The following ANK2 variants were observed in gnomAD, a reference collection of about 807,000 sequenced individuals.
ANK2 encodes the protein ankyrin 2.
A neutral mutation model predicts 360.5 loss-of-function variants in ANK2; 83 were observed. The observed-to-expected ratio is 0.23, with a 90% CI of 0.19 to 0.28. The LOEUF (loss-of-function observed/expected upper bound fraction) is 0.28, where lower values mean the gene tolerates loss of function less well. Among genes scored for constraint, ANK2 ranks in the 10% least tolerant of loss-of-function variants. The pLI is 1.00. For synonymous variants in ANK2, 1,740 were observed against 1,759.5 expected (o/e 0.99, Z 0.28); for missense variants, 4,201 against 4,795.7 (o/e 0.88, Z 3.66).
At chr4:113,177,661 T>C (rs994859878) in intron 2 of ANK2, among the ~76,000 whole-genome samples, 3 of 152,230 alleles carry the variant, frequency 2.0e-5, no homozygotes, top group Non-Finnish European at 4.4e-5. Flanking sequence ...ATTCTTATCA[T>C]ATTTATAGAC....
At chr4:112,869,562 C>T (rs1419382928) in intron 1 of ANK2, among the ~76,000 whole-genome samples, 1 of 152,172 alleles carries the variant, frequency 6.6e-6, no homozygotes, top group African/African-American at 2.4e-5. Context: ...GGATTACAGG[C>T]TTAAGCCACC....
chr4:113,217,360 G>A (rs185557376), intron 4 of ANK2, among the ~76,000 whole-genome samples: 24 of 152,214 alleles, frequency 1.6e-4, no homozygotes, highest in Admixed American at 1.6e-3. Context: ...TGCACTTATA[G>A]CCCTATCTTG....
At chr4:112,878,861 G>C (rs2150388464) in intron 1 of ANK2, among the ~76,000 whole-genome samples, 1 of 152,072 alleles carries the variant, frequency 6.6e-6, no homozygotes, top group Middle Eastern at 3.4e-3. Context: ...CTGACCTCGT[G>C]ATCTGCCCGC....
chr4:113,055,227 TA>T (rs2069044103), intron 1 of ANK2, among the ~76,000 whole-genome samples: 1 of 151,844 alleles, frequency 6.6e-6, no homozygotes, highest in Admixed American at 6.6e-5. Context: ...ACCCTGTATC[TA>T]AAAAAATAAA....
chr4:113,049,907 C>T, intron 1 of ANK2, 95 bp downstream of exon 1: 1 of 1,432,444 alleles, frequency 7.0e-7, no homozygotes, highest in Non-Finnish European at 9.7e-7. Context: ...AACCGTGGAG[C>T]ATTATGAGTA....
intron 1 of ANK2, among the ~76,000 whole-genome samples, chr4:113,089,106 C>A (rs539727288): frequency 7.9e-5 from 12 of 152,252 alleles, no homozygotes; most frequent in African/African-American, 2.9e-4. Context: ...CTTAGGACTT[C>A]TAGCCTCTAG....
the ANK2 span, among the ~76,000 whole-genome samples, chr4:112,718,722 C>G: frequency 6.6e-6 from 1 of 152,354 alleles, no homozygotes; most frequent in East Asian, 1.9e-4. Flanking sequence ...ACTGCAACCT[C>G]TGCCTCCCAG....
At chr4:112,886,638 G>C (rs978168764) in intron 1 of ANK2, among the ~76,000 whole-genome samples, 1 of 152,044 alleles carries the variant, frequency 6.6e-6, no homozygotes, top group Non-Finnish European at 1.5e-5. Flanking sequence ...CTCCAGCTTG[G>C]GCGACAGAGC....
chr4:112,840,855 T>C (rs988134473), intron 1 of ANK2, among the ~76,000 whole-genome samples: 2 of 152,214 alleles, frequency 1.3e-5, no homozygotes, highest in Non-Finnish European at 2.9e-5. Context: ...GGGAGTGTGA[T>C]GCAGAATGTA....
At chr4:113,186,566 CTCTCTCTCTCTCTCTCTCTCT>C (rs1229582683) in intron 2 of ANK2, among the ~76,000 whole-genome samples, 6 of 80,066 alleles carry the variant, frequency 7.5e-5, no homozygotes, top group African/African-American at 2.3e-4. Flanking sequence ...CCGTGTCTCT[CTCTCTCTCTCTCTCTCTCTCT>C]TCTCTCTCTC....
intron 2 of ANK2, among the ~76,000 whole-genome samples, chr4:112,960,729 C>G (rs893871524): frequency 1.3e-5 from 2 of 152,092 alleles, no homozygotes; most frequent in African/African-American, 4.8e-5. Flanking sequence ...ATTTTACCAT[C>G]ATTTTCCTCA....
chr4:112,969,745 A>G (rs2038752364), intron 2 of ANK2, among the ~76,000 whole-genome samples: 1 of 152,206 alleles, frequency 6.6e-6, no homozygotes, highest in South Asian at 2.1e-4. Context: ...AGAGTGAGCC[A>G]ATATCTTCTT....
chr4:113,339,146 C>T, intron 31 of ANK2, 80 bp from the exon 32 acceptor site: 4 of 1,243,124 alleles, frequency 3.2e-6, no homozygotes, highest in Non-Finnish European at 4.7e-6. Flanking sequence ...GGCTTGTGAA[C>T]ACAGAACCAC....
At chr4:113,363,236 A>C in intron 39 of ANK2, 102 bp from the exon 40 acceptor site, 2 of 1,184,096 alleles carry the variant, frequency 1.7e-6, no homozygotes, top group Non-Finnish European at 2.4e-6. Context: ...TCAAATACTC[A>C]CCACAATATA....
chr4:112,711,790 A>G, the ANK2 span, among the ~76,000 whole-genome samples: 3 of 151,966 alleles, frequency 2.0e-5, no homozygotes, highest in African/African-American at 7.3e-5. Context: ...ATTGCACTCC[A>G]ACCTGGGCAA....
intron 1 of ANK2, among the ~76,000 whole-genome samples, chr4:113,108,165 G>T (rs550878036): frequency 2.6e-5 from 4 of 152,230 alleles, no homozygotes; most frequent in African/African-American, 9.6e-5. Flanking sequence ...ATACCTATTT[G>T]TAGGCATTGT....
At chr4:112,723,193 G>C in the ANK2 span, among the ~76,000 whole-genome samples, 3 of 152,290 alleles carry the variant, frequency 2.0e-5, no homozygotes, top group African/African-American at 7.2e-5. Context: ...ACTTGCTCCT[G>C]TTTACTGAAT....
At chr4:112,883,965 T>G (rs1261190729) in intron 1 of ANK2, among the ~76,000 whole-genome samples, 2 of 149,960 alleles carry the variant, frequency 1.3e-5, no homozygotes, top group African/African-American at 4.9e-5. Flanking sequence ...GAATGTGAGC[T>G]TATACTATGA....
At chr4:112,963,055 A>C (rs555614506) in intron 2 of ANK2, among the ~76,000 whole-genome samples, 24 of 152,182 alleles carry the variant, frequency 1.6e-4, no homozygotes, top group Non-Finnish European at 3.5e-4. Flanking sequence ...TTTAGAAGAA[A>C]TATTTAAATA....
Sources: gnomAD v4.1 joint callset for allele counts (sites outside exome capture counted in the v4.1 genomes callset) on GRCh38, gnomAD v4.1.1 for gene constraint, MANE v1.5 for transcripts, NCBI Gene and HGNC (gene_info 2026-07-23, HGNC 2026-07-21) for gene names.